Variants in ADD3 observed in about 807,000 individuals in gnomAD.
The protein encoded by ADD3 is gamma-adducin.
Under a neutral mutation model 80.2 loss-of-function variants are expected in ADD3, and 25 were observed. The observed-to-expected ratio is 0.31, with a 90% CI of 0.23 to 0.44. ADD3 has a LOEUF of 0.44. ADD3 is among the 20% of genes least tolerant of loss of function. The pLI is 1.00. For missense variants in ADD3, 829 were observed against 847.5 expected (o/e 0.98, Z 0.27); for synonymous variants, 284 against 289.6 (o/e 0.98, Z 0.20).
chr10:110,093,525 A>G (rs1309448832), intron 1 of ADD3, among the ~76,000 whole-genome samples: 4 of 152,232 alleles, frequency 2.6e-5, no homozygotes, highest in South Asian at 2.1e-4. Flanking sequence ...TAATTAAGTC[A>G]TAGTGGTCAT....
At chr10:110,070,617 G>A (rs1844556311) in intron 1 of ADD3, among the ~76,000 whole-genome samples, 1 of 152,070 alleles carries the variant, frequency 6.6e-6, no homozygotes, top group Admixed American at 6.6e-5. Context: ...GACTAGTTTT[G>A]TTTTTGTTTT....
chr10:110,133,060 A>C (rs1446237498), intron 14 of ADD3, among the ~76,000 whole-genome samples: 3 of 152,158 alleles, frequency 2.0e-5, no homozygotes, highest in Admixed American at 1.3e-4. Context: ...TTTATACTTA[A>C]TTGATTTACA....
intron 1 of ADD3, among the ~76,000 whole-genome samples, chr10:110,065,131 C>G (rs983587088): frequency 3.9e-5 from 6 of 152,060 alleles, no homozygotes; most frequent in African/African-American, 1.2e-4. Context: ...TTCTTTCTTC[C>G]TAGAATTTGT....
In ADD3 at chr10:110,100,767, G is replaced by A. The variant is rs1165129551; in HGVS notation, c.114G>A (p.Glu38=). 1.2e-6 allele frequency: 2 copies of A among 1,613,850 alleles called. No individual in the cohort carries two copies. Among genetic ancestry groups the A allele is most frequent in the Non-Finnish European group, 1.7e-6 (2 of 1,179,958 alleles). Residue 38 remains glutamate, a synonymous_variant, in exon 2 of 15, where the codon GAG becomes GAA. Transcript: ENST00000356080. ...AAAATGACCCAGAATACATTAGGGA[G>A]AGGAACATGTCTCCTGATCTACGAC... ...INENDPEYIR[E]RNMSPDLRQD...
chr10:110,068,683 G>A (rs1844288138), intron 1 of ADD3, among the ~76,000 whole-genome samples: 1 of 152,072 alleles, frequency 6.6e-6, no homozygotes, highest in Non-Finnish European at 1.5e-5. Context: ...AAAGGCAAAA[G>A]GATTTTTTCT....
rs756701037 is a variant in ADD3 at position 110,109,301 on chromosome 10, T to C, written c.196-3476T>C. On this transcript the variant is annotated intron_variant, in intron 2 of 14. Coordinates refer to ENST00000356080, the MANE Select transcript of ADD3 (RefSeq NM_016824.5). ...TCTTAATTCATGTTGGCTGCCAGAG[T>C]TGAGATAAAATTTGTCCCATCTCTA... 1.5e-3 allele frequency among the ~76,000 whole-genome samples: 231 copies of C among 152,300 alleles called. 2 individuals carry two copies. The highest frequency in any genetic ancestry group is 1.7e-3 in the Non-Finnish European group (114 of 68,018).
intron 9 of ADD3, 77 bp downstream of exon 9, chr10:110,122,369 C>A: frequency 7.5e-7 from 1 of 1,338,734 alleles, no homozygotes; most frequent in Non-Finnish European, 1.0e-6. Context: ...TTTTGTAGAA[C>A]ATGCTCCATA....
intron 1 of ADD3, among the ~76,000 whole-genome samples, chr10:110,032,791 C>A (rs1855200014): frequency 1.3e-5 from 2 of 152,280 alleles, no homozygotes. Context: ...TGTGCGTGCT[C>A]ATATGCTGTA....
rs145935661 is a variant in ADD3 at position 110,122,058 on chromosome 10, C to A, written c.961-52C>A. 9.8e-5 allele frequency: 145 copies of A among 1,481,800 alleles called. 1 individual carries two copies. In the African/African-American group the frequency reaches 1.8e-3, roughly 18 times the overall value. 91.8% of individuals were successfully genotyped at this position (1,481,800 alleles called of 1,614,324 possible). A position where few individuals can be genotyped will look rare whatever the true frequency, so the allele number is the denominator to read the frequency against. ...TGTGCCTTTTTGAAAGTAAAATACTCATTACAGTCTTTATAGTTTTGTGTC... is the reference window on the plus strand; with the variant it reads ...TGTGCCTTTTTGAAAGTAAAATACTAATTACAGTCTTTATAGTTTTGTGTC... On this transcript the variant is annotated intron_variant, in intron 8 of 14. Transcript: ENST00000356080.
chr10:110,030,461 A>T (rs1854875999), intron 1 of ADD3, among the ~76,000 whole-genome samples: 1 of 151,556 alleles, frequency 6.6e-6, no homozygotes. Flanking sequence ...TTTAATATAC[A>T]GGTGTTTTAT....
intron 1 of ADD3, among the ~76,000 whole-genome samples, chr10:110,068,074 G>A (rs1248873421): frequency 6.6e-6 from 1 of 151,914 alleles, no homozygotes; most frequent in Non-Finnish European, 1.5e-5. Flanking sequence ...CCACCCCCTT[G>A]AAATAAGCCA....
chr10:110,035,419 G>T (rs574429888), intron 1 of ADD3, among the ~76,000 whole-genome samples: 1 of 152,286 alleles, frequency 6.6e-6, no homozygotes, highest in Non-Finnish European at 1.5e-5. Flanking sequence ...ATATTGCTTG[G>T]TGAGGAAGCC....
At chr10:110,122,726 A>G (rs528296001) in intron 9 of ADD3, among the ~76,000 whole-genome samples, 8 of 151,344 alleles carry the variant, frequency 5.3e-5, no homozygotes, top group East Asian at 1.9e-4. Flanking sequence ...GGCTCAAACC[A>G]TTCTTCCACC....
At chr10:110,054,171 T>A (rs905565990) in intron 1 of ADD3, among the ~76,000 whole-genome samples, 1 of 152,232 alleles carries the variant, frequency 6.6e-6, no homozygotes, top group Non-Finnish European at 1.5e-5. Context: ...AAGATGTACC[T>A]GACTTTGATT....
At chr10:110,032,808 T>C (rs1564866762) in intron 1 of ADD3, among the ~76,000 whole-genome samples, 4 of 152,340 alleles carry the variant, frequency 2.6e-5, no homozygotes, top group Admixed American at 1.3e-4. Context: ...TGTATACATG[T>C]TGTTATTGTT....
intron 1 of ADD3, among the ~76,000 whole-genome samples, chr10:110,028,864 A>G (rs1395140855): frequency 6.6e-6 from 1 of 151,848 alleles, no homozygotes; most frequent in Non-Finnish European, 1.5e-5. Flanking sequence ...TACATATGAT[A>G]CAAATTCATC....
At chr10:110,080,040 G>T (rs1177698499) in intron 1 of ADD3, among the ~76,000 whole-genome samples, 1 of 152,146 alleles carries the variant, frequency 6.6e-6, no homozygotes, top group African/African-American at 2.4e-5. Flanking sequence ...TATAGGGAAG[G>T]TATAATAGTG....
intron 1 of ADD3, among the ~76,000 whole-genome samples, chr10:110,035,772 G>A (rs1421089503): frequency 3.3e-5 from 5 of 151,930 alleles, no homozygotes; most frequent in Admixed American, 2.6e-4. Context: ...TGTTACTATT[G>A]GTTTGAGACT....
chr10:110,098,691 GT>G (rs140734570), intron 1 of ADD3, among the ~76,000 whole-genome samples: 2,296 of 151,726 alleles, frequency 0.015, 52 homozygotes, highest in African/African-American at 0.05. Context: ...GTGCAATGGC[GT>G]GATCTCAGCT....
Sources: allele counts gnomAD v4.1 joint callset (sites outside exome capture counted in the v4.1 genomes callset), GRCh38; gene constraint gnomAD v4.1.1; transcripts MANE v1.5; gene names NCBI Gene and HGNC (gene_info 2026-07-23, HGNC 2026-07-21).